The following GABPB2 variants were observed in gnomAD, a reference collection of about 807,000 sequenced individuals.
The protein encoded by GABPB2 is GA binding protein transcription factor subunit beta 2.
GABPB2 carries 23 observed loss-of-function variants against 39.1 expected under a neutral mutation model. That is an observed-to-expected ratio of 0.59 (90% CI 0.42 to 0.83). GABPB2 has a LOEUF of 0.83. Among genes scored for constraint, GABPB2 ranks in the 40% least tolerant of loss-of-function variants. The pLI, the probability that GABPB2 is intolerant of heterozygous loss-of-function variation, is 0.00. For synonymous variants in GABPB2, 184 were observed against 199.3 expected, an observed-to-expected ratio of 0.92 and a Z score of 0.65; for missense variants, 467 against 541.1, an observed-to-expected ratio of 0.86 and a Z score of 1.36.
intron 1 of GABPB2, among the ~76,000 whole-genome samples, chr1:151,084,532 G>GTTTTTT (rs759845986): frequency 4.1e-5 from 4 of 98,614 alleles, no homozygotes; most frequent in Non-Finnish European, 8.2e-5. Context: ...GGCCCTAGCT[G>GTTTTTT]TTTTTTTTTT....
chr1:151,109,068 A>G (rs1314997366), intron 7 of GABPB2, among the ~76,000 whole-genome samples: 1 of 151,892 alleles, frequency 6.6e-6, no homozygotes, highest in Non-Finnish European at 1.5e-5. Flanking sequence ...GCACGTGCTT[A>G]TAGTCCCAAC....
At chr1:151,082,847 G>T (rs1157738477) in intron 1 of GABPB2, among the ~76,000 whole-genome samples, 1 of 151,798 alleles carries the variant, frequency 6.6e-6, no homozygotes, top group Non-Finnish European at 1.5e-5. Context: ...ATGGTTGTGT[G>T]CACCTGTAGT....
intron 1 of GABPB2, among the ~76,000 whole-genome samples, chr1:151,076,003 G>A (rs1223114859): frequency 6.6e-6 from 1 of 152,138 alleles, no homozygotes; most frequent in Non-Finnish European, 1.5e-5. Context: ...GGTTCAGAGA[G>A]GAGCTCAGTC....
chr1:151,113,691 T>C (rs1189835335), intron 7 of GABPB2, among the ~76,000 whole-genome samples: 1 of 152,204 alleles, frequency 6.6e-6, no homozygotes, highest in Non-Finnish European at 1.5e-5. Context: ...TAATTTTTTG[T>C]ATTTTTGGTA....
chr1:151,073,936 A>G (rs998315131), intron 1 of GABPB2, among the ~76,000 whole-genome samples: 25 of 151,888 alleles, frequency 1.6e-4, no homozygotes, highest in African/African-American at 5.6e-4. Flanking sequence ...AAGTAAAGAA[A>G]AAAAGAATAG....
intron 1 of GABPB2, among the ~76,000 whole-genome samples, chr1:151,074,638 T>C (rs182664274): frequency 6.6e-6 from 1 of 151,904 alleles, no homozygotes. Flanking sequence ...TTTTAGACCA[T>C]ATAGGGTAAC....
chr1:151,075,423 G>A (rs1677080227), intron 1 of GABPB2, among the ~76,000 whole-genome samples: 1 of 151,452 alleles, frequency 6.6e-6, no homozygotes, highest in African/African-American at 2.4e-5. Flanking sequence ...AATTAGCCGG[G>A]CATGGTGGCG....
At chr1:151,097,584 C>A (rs888129674) in intron 4 of GABPB2, among the ~76,000 whole-genome samples, 5 of 151,824 alleles carry the variant, frequency 3.3e-5, no homozygotes, top group African/African-American at 9.7e-5. Flanking sequence ...AAGTTCTAGA[C>A]CAACTTGGGC....
At chr1:151,090,061 T>C (rs994840032) in intron 2 of GABPB2, among the ~76,000 whole-genome samples, 2 of 151,924 alleles carry the variant, frequency 1.3e-5, no homozygotes, top group Non-Finnish European at 2.9e-5. Flanking sequence ...TGCCTCAGCC[T>C]CCTGAGTAGC....
chr1:151,103,384 C>G (rs1451108636), intron 5 of GABPB2, among the ~76,000 whole-genome samples, 178 bp from the exon 6 acceptor site: 1 of 152,022 alleles, frequency 6.6e-6, no homozygotes, highest in East Asian at 1.9e-4. Context: ...AAAGGAAAAA[C>G]TTTTTAAACC....
At chr1:151,114,345 A>C (rs1680690361) in intron 7 of GABPB2, among the ~76,000 whole-genome samples, 1 of 140,608 alleles carries the variant, frequency 7.1e-6, no homozygotes, top group African/African-American at 2.9e-5. Flanking sequence ...TCTGTCTCAT[A>C]ATAAATAAAT....
At chr1:151,098,044 A>G (rs2101519962) in intron 5 of GABPB2, 42 bp downstream of exon 5, 1 of 1,578,696 alleles carries the variant, frequency 6.3e-7, no homozygotes, top group East Asian at 2.2e-5. Context: ...GACTCAAAAA[A>G]GAACAGAACC....
chr1:151,086,670 A>AT (rs35098609), intron 1 of GABPB2, among the ~76,000 whole-genome samples: 3,846 of 147,852 alleles, frequency 0.026, 156 homozygotes, highest in African/African-American at 0.09. Context: ...CTTGTTCTTA[A>AT]TTTTTTTTTT....
At chr1:151,094,517 T>G (rs587758835) in intron 4 of GABPB2, among the ~76,000 whole-genome samples, 1 of 150,758 alleles carries the variant, frequency 6.6e-6, no homozygotes, top group African/African-American at 2.4e-5. Context: ...GCCCAGCTAA[T>G]TTTTGTATTT....
intron 1 of GABPB2, among the ~76,000 whole-genome samples, chr1:151,083,907 A>C (rs1212976157): frequency 2.7e-5 from 4 of 148,530 alleles, no homozygotes; most frequent in Non-Finnish European, 4.5e-5. Flanking sequence ...TGCCCGGCTA[A>C]TTTTTGTATT....
chr1:151,080,075 C>T (rs976326058), intron 1 of GABPB2, among the ~76,000 whole-genome samples: 2 of 151,386 alleles, frequency 1.3e-5, no homozygotes, highest in Admixed American at 1.3e-4. Context: ...ATTAGCCAAG[C>T]GTGGTGGCAC....
rs376521759 is a variant in GABPB2 at position 151,099,302 on chromosome 1, A to T, written c.622+1300A>T. On this transcript the variant is annotated intron_variant, in intron 5 of 8. Transcript: ENST00000368918. Reference sequence around the variant, plus strand: ...AACCTTTGCCTCCCGGGTTCAAGCGATTCTCCTGCCTCAGCCTCCTGAGTA... The same window carrying T: ...AACCTTTGCCTCCCGGGTTCAAGCGTTTCTCCTGCCTCAGCCTCCTGAGTA... 1.1e-4 allele frequency among the ~76,000 whole-genome samples: 16 copies of T among 151,514 alleles called. 1 individual carries two copies. The East Asian group carries it at 1.6e-3, about 15-fold the overall frequency.
chr1:151,076,432 A>AT (rs1558122613), intron 1 of GABPB2, among the ~76,000 whole-genome samples: 4 of 151,934 alleles, frequency 2.6e-5, no homozygotes, highest in Admixed American at 6.6e-5. Context: ...TAGAATTTTT[A>AT]TTTTTTTTAT....
At chr1:151,114,137 G>A (rs1178639552) in intron 7 of GABPB2, among the ~76,000 whole-genome samples, 1 of 151,630 alleles carries the variant, frequency 6.6e-6, no homozygotes, top group Non-Finnish European at 1.5e-5. Flanking sequence ...CTTAAGCCCA[G>A]GAGTTTGAAA....
Sources: allele counts gnomAD v4.1 joint callset (sites outside exome capture counted in the v4.1 genomes callset), GRCh38; gene constraint gnomAD v4.1.1; transcripts MANE v1.5; gene names NCBI Gene and HGNC (gene_info 2026-07-23, HGNC 2026-07-21).